The following ADAM12 variants were observed in gnomAD, a reference collection of about 807,000 sequenced individuals.
ADAM12 encodes ADAM metallopeptidase domain 12, also known as disintegrin and metalloproteinase domain-containing protein 12.
A neutral mutation model predicts 106.4 loss-of-function variants in ADAM12; 70 were observed. That is an observed-to-expected ratio of 0.66 (90% CI 0.54 to 0.80). The LOEUF (loss-of-function observed/expected upper bound fraction) is 0.80. ADAM12 is among the 30% of genes least tolerant of loss of function. ADAM12 has a pLI of 0.00. For synonymous variants in ADAM12, 420 were observed against 433.5 expected, an observed-to-expected ratio of 0.97 and a Z score of 0.39; for missense variants, 1,010 against 1,171.9, an observed-to-expected ratio of 0.86 and a Z score of 2.02.
Position 126,038,353 on chromosome 10 carries a change from C to T in ADAM12, c.2241-4G>A, listed in dbSNP as rs1374139638. On this transcript the variant is annotated splice_polypyrimidine_tract_variant and splice_region_variant and intron_variant, in intron 19 of 22. Transcript: ENST00000448723. ...TGGCCGGGAAGGGCGCACACACCTGCAACAGAATCCCATACCTGCTGACCA... is the reference window on the plus strand; with the variant it reads ...TGGCCGGGAAGGGCGCACACACCTGTAACAGAATCCCATACCTGCTGACCA... 1.9e-6 allele frequency: 3 copies of T among 1,573,390 alleles called. 1 individual carries two copies. Among genetic ancestry groups the T allele is most frequent in the South Asian group, 2.4e-5 (2 of 84,944 alleles).
intron 2 of ADAM12, among the ~76,000 whole-genome samples, chr10:126,295,503 C>T (rs112701006): frequency 0.014 from 2,050 of 151,570 alleles, 38 homozygotes; most frequent in African/African-American, 0.045. Flanking sequence ...TTTCATTTTG[C>T]TGCAAACCAT....
intron 1 of ADAM12, among the ~76,000 whole-genome samples, chr10:126,348,356 A>G (rs866774776): frequency 6.6e-6 from 1 of 152,154 alleles, no homozygotes; most frequent in African/African-American, 2.4e-5. Context: ...TGCCAATGAT[A>G]TCAGGCTTTG....
chr10:126,309,152 A>G (rs964072204), intron 2 of ADAM12, among the ~76,000 whole-genome samples: 5 of 152,176 alleles, frequency 3.3e-5, no homozygotes, highest in African/African-American at 1.2e-4. Flanking sequence ...TTTTGACTAC[A>G]TTGATCGTTT....
chr10:126,156,460 G>A (rs1355785335), intron 3 of ADAM12, among the ~76,000 whole-genome samples: 3 of 152,222 alleles, frequency 2.0e-5, no homozygotes, highest in African/African-American at 7.2e-5. Flanking sequence ...CCTCTAGAGG[G>A]TATTTAAATC....
At chr10:126,358,106 G>C (rs928452950) in intron 1 of ADAM12, among the ~76,000 whole-genome samples, 4 of 151,788 alleles carry the variant, frequency 2.6e-5, no homozygotes, top group African/African-American at 4.8e-5. Flanking sequence ...TGAACCCCGG[G>C]GGGTGGAACC....
intron 2 of ADAM12, among the ~76,000 whole-genome samples, chr10:126,293,380 T>C (rs945303092): frequency 2.6e-5 from 4 of 152,204 alleles, no homozygotes; most frequent in African/African-American, 9.7e-5. Flanking sequence ...CCTGTCATCT[T>C]ATGTCTGGCT....
chr10:126,089,405 A>G (rs1955420659), intron 11 of ADAM12, among the ~76,000 whole-genome samples: 3 of 152,164 alleles, frequency 2.0e-5, no homozygotes, highest in African/African-American at 4.8e-5. Flanking sequence ...CCAAATGCCT[A>G]TGAATTACAC....
intron 3 of ADAM12, among the ~76,000 whole-genome samples, chr10:126,225,753 G>C (rs1007785060): frequency 1.3e-5 from 2 of 152,152 alleles, no homozygotes; most frequent in Non-Finnish European, 2.9e-5. Context: ...ACTTCAGTCT[G>C]AACCATAGCT....
intron 4 of ADAM12, among the ~76,000 whole-genome samples, chr10:126,140,161 C>A (rs1044713879): frequency 1.1e-4 from 16 of 152,116 alleles, no homozygotes; most frequent in Admixed American, 1.0e-3. Context: ...TGTCACAGAT[C>A]TTTGGGGTCA....
chr10:126,174,648 G>A (rs373533589), intron 3 of ADAM12, among the ~76,000 whole-genome samples: 1 of 151,950 alleles, frequency 6.6e-6, no homozygotes, highest in Non-Finnish European at 1.5e-5. Flanking sequence ...CCATCTCCCC[G>A]TGCCCTTTAC....
rs554061254 is a variant in ADAM12, at chr10:126,168,855, C to T, written c.261-13550G>A. On this transcript the variant is annotated intron_variant, in intron 3 of 22. Coordinates refer to ENST00000448723, the MANE Select transcript of ADAM12 (RefSeq NM_001288973.2). Reference sequence around the variant, plus strand: ...ATCACTTGAGGTCAGGAGTTCGAGACCAGCCTGGCCAACATGGTGAAACTC... The same window carrying T: ...ATCACTTGAGGTCAGGAGTTCGAGATCAGCCTGGCCAACATGGTGAAACTC... Among the ~76,000 whole-genome samples the T allele has an allele frequency of 3.3e-5, 5 of 152,210 alleles. No individual in the cohort carries two copies. The South Asian group carries it at 8.3e-4, about 25-fold the overall frequency.
chr10:126,233,392 A>G (rs1958351153), intron 3 of ADAM12, among the ~76,000 whole-genome samples: 1 of 152,228 alleles, frequency 6.6e-6, no homozygotes, highest in Admixed American at 6.5e-5. Context: ...TCAGCCTCAG[A>G]CAAGGTCCTG....
intron 2 of ADAM12, among the ~76,000 whole-genome samples, chr10:126,304,605 T>C (rs1295556459): frequency 6.6e-6 from 1 of 152,088 alleles, no homozygotes; most frequent in Non-Finnish European, 1.5e-5. Flanking sequence ...GATGAAATAC[T>C]ATTTGATAAA....
chr10:126,184,987 C>T (rs953969183), intron 3 of ADAM12, among the ~76,000 whole-genome samples: 4 of 152,238 alleles, frequency 2.6e-5, no homozygotes, highest in Admixed American at 1.3e-4. Context: ...GCCAACATGG[C>T]ACCCTGACCG....
At chr10:126,384,078 G>A (rs980439749) in intron 1 of ADAM12, among the ~76,000 whole-genome samples, 1 of 152,178 alleles carries the variant, frequency 6.6e-6, no homozygotes, top group Non-Finnish European at 1.5e-5. Context: ...ATGATGCCAA[G>A]AGGTACAGCA....
intron 2 of ADAM12, among the ~76,000 whole-genome samples, chr10:126,329,934 A>G (rs1854443784): frequency 6.6e-6 from 1 of 152,236 alleles, no homozygotes; most frequent in South Asian, 2.1e-4. Flanking sequence ...CTATTATTTC[A>G]ATTATTTTAT....
intron 6 of ADAM12, among the ~76,000 whole-genome samples, chr10:126,110,571 C>T (rs1055291161): frequency 6.6e-6 from 1 of 151,832 alleles, no homozygotes; most frequent in Non-Finnish European, 1.5e-5. Context: ...ACAGGGATTT[C>T]GTAAGAGTGA....
At chr10:126,021,277 C>A (rs771914846) in intron 21 of ADAM12, among the ~76,000 whole-genome samples, 1 of 152,186 alleles carries the variant, frequency 6.6e-6, no homozygotes, top group Non-Finnish European at 1.5e-5. Flanking sequence ...CATCATAGGA[C>A]CCAGTATATA....
intron 3 of ADAM12, among the ~76,000 whole-genome samples, chr10:126,208,579 T>A (rs1186655311): frequency 6.6e-6 from 1 of 152,224 alleles, no homozygotes; most frequent in Non-Finnish European, 1.5e-5. Context: ...GTAGGATTTA[T>A]CTTTACTTTT....
Sources: gnomAD v4.1 joint callset for allele counts (sites outside exome capture counted in the v4.1 genomes callset) on GRCh38, gnomAD v4.1.1 for gene constraint, MANE v1.5 for transcripts, NCBI Gene and HGNC (gene_info 2026-07-23, HGNC 2026-07-21) for gene names.